Variants in HHLA2 observed in about 807,000 individuals in gnomAD.
HHLA2 encodes HHLA2 member of B7 family.
HHLA2 carries 48 observed loss-of-function variants against 45.9 expected under a neutral mutation model. The ratio of observed to expected loss-of-function variants is 1.05; its 90% CI spans 0.83 to 1.33. The LOEUF is 1.33. HHLA2 is among the 40% of genes most tolerant of loss of function. The pLI is 0.00. For synonymous variants in HHLA2, 161 were observed against 173.9 expected, an observed-to-expected ratio of 0.93 and a Z score of 0.59; for missense variants, 462 against 494.3, an observed-to-expected ratio of 0.93 and a Z score of 0.62.
At chr3:108,353,462 A>G (rs778652084) in exon 5 of HHLA2, 3 of 1,595,344 alleles carry the variant, frequency 1.9e-6, no homozygotes, top group Non-Finnish European at 2.6e-6. Context: ...TTATGTTCCT[A>G]TGAATGAACA....
At chr3:108,340,888 CTCTTT>C (rs1205325142) in intron 3 of HHLA2, among the ~76,000 whole-genome samples, 4 of 58,420 alleles carry the variant, frequency 6.8e-5, no homozygotes, top group Non-Finnish European at 1.3e-4. Flanking sequence ...AATAGCCAAA[CTCTTT>C]TCTTTTTTTT....
At chr3:108,311,058 G>A (rs62266181) in intron 2 of HHLA2, among the ~76,000 whole-genome samples, 10,320 of 152,196 alleles carry the variant, frequency 0.068, 481 homozygotes, top group Non-Finnish European at 0.092. Flanking sequence ...ATAGGGGTAT[G>A]TGTCTGTATC....
intron 2 of HHLA2, among the ~76,000 whole-genome samples, chr3:108,311,357 A>G (rs2081015380): frequency 6.6e-6 from 1 of 152,226 alleles, no homozygotes; most frequent in African/African-American, 2.4e-5. Flanking sequence ...TTTAGTGCAC[A>G]GTGAAATATT....
At chr3:108,328,136 G>GAA in intron 2 of HHLA2, 93 of 417,376 alleles carry the variant, frequency 2.2e-4, no homozygotes, top group South Asian at 4.9e-4. Context: ...CTGTCTCGAA[G>GAA]AAAAAAAAAA....
intron 2 of HHLA2, among the ~76,000 whole-genome samples, chr3:108,314,632 G>T (rs2081074460): frequency 6.6e-6 from 1 of 152,148 alleles, no homozygotes. Flanking sequence ...GGAAGGTGAG[G>T]AGAGGGCGGT....
At chr3:108,337,420 G>A (rs1057424542) in intron 3 of HHLA2, among the ~76,000 whole-genome samples, 8 of 152,082 alleles carry the variant, frequency 5.3e-5, no homozygotes, top group African/African-American at 7.2e-5. Context: ...AACTTTGGTC[G>A]CTTGCCACTG....
chr3:108,343,389 A>G (rs896828061), intron 3 of HHLA2, among the ~76,000 whole-genome samples: 8 of 152,318 alleles, frequency 5.3e-5, no homozygotes, highest in Non-Finnish European at 1.2e-4. Flanking sequence ...CATACATAGA[A>G]CTAGGCCAGG....
chr3:108,363,926 GGA>G (rs1553758364), intron 8 of HHLA2, among the ~76,000 whole-genome samples: 1 of 152,048 alleles, frequency 6.6e-6, no homozygotes, highest in Non-Finnish European at 1.5e-5. Context: ...AAACTTGGAA[GGA>G]GAGAGTCACG....
At chr3:108,353,821 C>T (rs774003264) in intron 5 of HHLA2, 41 bp downstream of exon 4, 1 of 1,429,550 alleles carries the variant, frequency 7.0e-7, no homozygotes, top group Non-Finnish European at 9.6e-7. Flanking sequence ...GCAATGACAT[C>T]ATTCCATGTT....
intron 1 of HHLA2, among the ~76,000 whole-genome samples, chr3:108,308,428 C>T (rs777274561): frequency 5.1e-4 from 78 of 152,298 alleles, no homozygotes; most frequent in Middle Eastern, 3.4e-3. Flanking sequence ...TGGACACTTA[C>T]GTTGCTTCCA....
intron 3 of HHLA2, among the ~76,000 whole-genome samples, chr3:108,336,230 C>T: frequency 6.6e-6 from 1 of 152,232 alleles, no homozygotes; most frequent in African/African-American, 2.4e-5. Context: ...GCAATGGTCA[C>T]TAAAGACAGC....
At chr3:108,361,298 T>C (rs1160584718) in intron 7 of HHLA2, among the ~76,000 whole-genome samples, 1 of 152,212 alleles carries the variant, frequency 6.6e-6, no homozygotes, top group Non-Finnish European at 1.5e-5. Context: ...CTGAGTAGCA[T>C]GATGAAATTG....
At chr3:108,324,654 C>A (rs912593074) in intron 2 of HHLA2, among the ~76,000 whole-genome samples, 5 of 152,158 alleles carry the variant, frequency 3.3e-5, no homozygotes, top group African/African-American at 1.2e-4. Flanking sequence ...TAGTGTTATA[C>A]CTAGGTGTAC....
At chr3:108,347,593 T>A (rs1380071358) in intron 3 of HHLA2, among the ~76,000 whole-genome samples, 1 of 152,142 alleles carries the variant, frequency 6.6e-6, no homozygotes, top group Non-Finnish European at 1.5e-5. Context: ...GACTTCTTTT[T>A]TTAAAAAATA....
intron 3 of HHLA2, among the ~76,000 whole-genome samples, chr3:108,350,398 A>G (rs1249852097): frequency 2.6e-5 from 4 of 152,212 alleles, no homozygotes; most frequent in Non-Finnish European, 5.9e-5. Flanking sequence ...CGTGTTTTCA[A>G]TAACTTTCTT....
intron 2 of HHLA2, among the ~76,000 whole-genome samples, chr3:108,327,912 C>T (rs1206810686): frequency 6.6e-6 from 1 of 152,112 alleles, no homozygotes; most frequent in East Asian, 1.9e-4. Flanking sequence ...GTGGGTAGAT[C>T]ACCTGAAGTC....
intron 3 of HHLA2, among the ~76,000 whole-genome samples, chr3:108,339,604 A>G (rs1165469295): frequency 6.6e-6 from 1 of 152,182 alleles, no homozygotes; most frequent in Non-Finnish European, 1.5e-5. Context: ...ATGTTTAGTA[A>G]TACTGAAAGG....
intron 6 of HHLA2, among the ~76,000 whole-genome samples, chr3:108,357,278 G>T (rs1045185115): frequency 6.6e-6 from 1 of 152,170 alleles, no homozygotes; most frequent in Non-Finnish European, 1.5e-5. Flanking sequence ...GATGGAGCTG[G>T]GTCTGGAGGG....
intron 8 of HHLA2, among the ~76,000 whole-genome samples, chr3:108,370,591 T>C (rs2082152525): frequency 6.6e-6 from 1 of 150,922 alleles, no homozygotes; most frequent in African/African-American, 2.4e-5. Flanking sequence ...AAAAATTAGG[T>C]GAATGGCTAA....
Sources: gnomAD v4.1 joint callset for allele counts (sites outside exome capture counted in the v4.1 genomes callset) on GRCh38, gnomAD v4.1.1 for gene constraint, MANE v1.5 for transcripts, NCBI Gene and HGNC (gene_info 2026-07-23, HGNC 2026-07-21) for gene names.